The following LARGE1 variants were observed in gnomAD, a reference collection of about 807,000 sequenced individuals.
LARGE1 encodes the protein LARGE xylosyl- and glucuronyltransferase 1, also known as xylosyl- and glucuronyltransferase LARGE1.
A neutral mutation model predicts 87.6 loss-of-function variants in LARGE1; 43 were observed. The ratio of observed to expected loss-of-function variants is 0.49; its 90% CI spans 0.38 to 0.63. The LOEUF is 0.63. Among genes scored for constraint, LARGE1 ranks in the 30% least tolerant of loss-of-function variants. The pLI is 0.00. For missense variants in LARGE1, 802 were observed against 1,000.2 expected, an observed-to-expected ratio of 0.80 and a Z score of 2.67; for synonymous variants, 434 against 394.6, an observed-to-expected ratio of 1.10 and a Z score of -1.18.
At chr22:33,794,423 G>C (rs2085918710) in intron 1 of LARGE1, among the ~76,000 whole-genome samples, 2 of 152,202 alleles carry the variant, frequency 1.3e-5, no homozygotes, top group Non-Finnish European at 2.9e-5. Flanking sequence ...TGCTCTCGAA[G>C]AGGAGCAAGA....
chr22:33,365,355 C>G (rs1478922383), intron 9 of LARGE1, among the ~76,000 whole-genome samples: 1 of 152,114 alleles, frequency 6.6e-6, no homozygotes, highest in Non-Finnish European at 1.5e-5. Flanking sequence ...CATAACAGAC[C>G]ACTGGTCAAC....
At chr22:33,847,356 G>A (rs2063464715) in intron 1 of LARGE1, among the ~76,000 whole-genome samples, 1 of 152,148 alleles carries the variant, frequency 6.6e-6, no homozygotes, top group Non-Finnish European at 1.5e-5. Context: ...AATGTTTCAT[G>A]CATACACAAA....
At chr22:33,217,787 T>C (rs554024013) in intron 11 of LARGE1, among the ~76,000 whole-genome samples, 3 of 152,232 alleles carry the variant, frequency 2.0e-5, no homozygotes, top group Middle Eastern at 3.4e-3. Flanking sequence ...ACATATAACA[T>C]GAAATTTACC....
intron 7 of LARGE1, among the ~76,000 whole-genome samples, chr22:33,416,504 C>A (rs1989213415): frequency 6.6e-6 from 1 of 152,084 alleles, no homozygotes; most frequent in South Asian, 2.1e-4. Flanking sequence ...TGTCCTTAAT[C>A]TTCTGATTTT....
At chr22:33,757,421 G>A (rs772383865) in intron 2 of LARGE1, among the ~76,000 whole-genome samples, 10 of 152,218 alleles carry the variant, frequency 6.6e-5, no homozygotes, top group Non-Finnish European at 1.0e-4. Context: ...AAGTGCACTC[G>A]ACAACTTCAT....
At chr22:33,193,973 T>A (rs5994694) in intron 11 of LARGE1, among the ~76,000 whole-genome samples, 92,648 of 147,436 alleles carry the variant, frequency 0.63, 29,597 homozygotes, top group African/African-American at 0.71. Context: ...ATGTTTATAT[T>A]TTATATATAA....
chr22:33,803,060 G>A (rs530005341), intron 1 of LARGE1, among the ~76,000 whole-genome samples: 16 of 152,278 alleles, frequency 1.1e-4, no homozygotes, highest in African/African-American at 3.1e-4. Flanking sequence ...GGATACCAAG[G>A]AAGATCAAAA....
intron 1 of LARGE1, among the ~76,000 whole-genome samples, chr22:33,815,211 C>G (rs1184774388): frequency 6.6e-6 from 1 of 152,126 alleles, no homozygotes; most frequent in East Asian, 1.9e-4. Flanking sequence ...TCAGTTTCTC[C>G]CAGGACAGTA....
At chr22:33,196,017 CAA>C (rs1034434832) in intron 11 of LARGE1, among the ~76,000 whole-genome samples, 33 of 151,206 alleles carry the variant, frequency 2.2e-4, no homozygotes, top group Non-Finnish European at 1.5e-5. Context: ...CTCAGCCTCC[CAA>C]AGTGCTGGGA....
chr22:33,511,108 C>T (rs764226509), intron 6 of LARGE1, among the ~76,000 whole-genome samples: 10 of 152,162 alleles, frequency 6.6e-5, no homozygotes, highest in Non-Finnish European at 1.2e-4. Context: ...TGAGACCAAA[C>T]GGGGGCAGCC....
chr22:33,322,605 C>G (rs1016086791), intron 10 of LARGE1: 1 of 152,138 alleles, frequency 6.6e-6, no homozygotes, highest in Admixed American at 6.5e-5. Flanking sequence ...AGAGGGAGTA[C>G]TGGTCAACGG....
At chr22:33,851,068 T>C (rs1016948050) in intron 1 of LARGE1, among the ~76,000 whole-genome samples, 2 of 152,252 alleles carry the variant, frequency 1.3e-5, no homozygotes, top group African/African-American at 4.8e-5. Flanking sequence ...TGTTTTTTAA[T>C]TCTCTCCACA....
chr22:33,713,456 C>A (rs1259635947), intron 2 of LARGE1, among the ~76,000 whole-genome samples: 3 of 152,096 alleles, frequency 2.0e-5, no homozygotes, highest in Non-Finnish European at 4.4e-5. Flanking sequence ...GCTCAGGATT[C>A]ATTCATTCCG....
intron 12 of LARGE1, among the ~76,000 whole-genome samples, chr22:33,296,861 G>A (rs891104919): frequency 3.5e-4 from 54 of 152,236 alleles, no homozygotes; most frequent in East Asian, 1.7e-3. Flanking sequence ...AAGCCACTGC[G>A]CCCAGCCCGC....
At chr22:33,535,824 T>A (rs1023899054) in intron 6 of LARGE1, among the ~76,000 whole-genome samples, 1 of 152,058 alleles carries the variant, frequency 6.6e-6, no homozygotes, top group Non-Finnish European at 1.5e-5. Flanking sequence ...GGTTCCCCCG[T>A]CCCATCTGTA....
chr22:33,246,545 T>C (rs558971879), intron 11 of LARGE1, among the ~76,000 whole-genome samples: 4 of 152,096 alleles, frequency 2.6e-5, no homozygotes, highest in South Asian at 4.2e-4. Flanking sequence ...TCTCAGGAGA[T>C]TGGGGCCAGA....
chr22:33,525,914 C>T lies in LARGE1; in HGVS notation c.787+38934G>A, dbSNP rs532831134. 7.9e-5 allele frequency among the ~76,000 whole-genome samples: 12 copies of T among 152,258 alleles called. 1 individual carries two copies. The South Asian group carries it at 2.1e-3, about 26-fold the overall frequency. ...TTAAACATGGAGTCAACATATTACC[C>T]GGCAGCCCCATTCCTAGGAATATAC... On this transcript the variant is annotated intron_variant, in intron 6 of 14. Transcript: ENST00000397394.
intron 2 of LARGE1, among the ~76,000 whole-genome samples, chr22:33,710,604 T>G (rs1292532855): frequency 6.6e-6 from 1 of 152,214 alleles, no homozygotes; most frequent in Non-Finnish European, 1.5e-5. Flanking sequence ...GCATTTAGAC[T>G]GGACACAATG....
At chr22:33,069,364 A>G in the LARGE1 span, among the ~76,000 whole-genome samples, 3 of 152,186 alleles carry the variant, frequency 2.0e-5, no homozygotes, top group African/African-American at 7.2e-5. Context: ...GTTTTCTCAA[A>G]TAAACTGATG....
Sources: gnomAD v4.1 joint callset for allele counts (sites outside exome capture counted in the v4.1 genomes callset) on GRCh38, gnomAD v4.1.1 for gene constraint, MANE v1.5 for transcripts, NCBI Gene and HGNC (gene_info 2026-07-23, HGNC 2026-07-21) for gene names.